The following COL5A1 variants were observed in gnomAD, a reference collection of about 807,000 sequenced individuals.
The protein encoded by COL5A1 is collagen alpha-1(V) chain.
A neutral mutation model predicts 263.7 loss-of-function variants in COL5A1; 16 were observed. The observed-to-expected ratio is 0.06, with a 90% CI of 0.04 to 0.09. The LOEUF (loss-of-function observed/expected upper bound fraction) is 0.09, where lower values mean the gene tolerates loss of function less well. Among genes scored for constraint, COL5A1 ranks in the 10% least tolerant of loss-of-function variants. The pLI is 1.00. For missense variants in COL5A1, 2,036 were observed against 2,540.5 expected (o/e 0.80, Z 4.27); for synonymous variants, 1,012 against 1,004.5 (o/e 1.01, Z -0.14).
rs548085418 is a variant in COL5A1 at position 134,823,294 on chromosome 9, G to A, written c.4645-122G>A. On this transcript the variant is annotated intron_variant, in intron 60 of 65. Coordinates refer to ENST00000371817, the MANE Select transcript of COL5A1 (RefSeq NM_000093.5). ...AGGGGTCTCTGCCATTCTCTTCTCT[G>A]CTGTGGCTGATAGGGCCACCTCCCC... The A allele has an allele frequency of 1.2e-5, 14 of 1,122,396 alleles. No homozygotes were observed. The African/African-American group carries it at 1.5e-4, about 12-fold the overall frequency. The allele number at this position is 1,122,396 out of a possible 1,614,324, so 69.5% of individuals were successfully genotyped here. A position where few individuals can be genotyped will look rare whatever the true frequency, so the allele number is the denominator to read the frequency against.
At chr9:134,740,089 C>T (rs1004215207) in intron 11 of COL5A1, among the ~76,000 whole-genome samples, 2 of 152,152 alleles carry the variant, frequency 1.3e-5, no homozygotes, top group African/African-American at 2.4e-5. Flanking sequence ...TGGCAAGGGC[C>T]GTGGCGGGAA....
intron 1 of COL5A1, among the ~76,000 whole-genome samples, chr9:134,675,633 G>T (rs1489906191): frequency 6.6e-6 from 1 of 152,218 alleles, no homozygotes; most frequent in African/African-American, 2.4e-5. Context: ...AGCACGGTTT[G>T]TTGGGGACCC....
In COL5A1 at chr9:134,728,687, C is replaced by T. The variant is rs147729713; in HGVS notation, c.804C>T (p.Gly268=). The T allele has an allele frequency of 1.9e-4, 303 of 1,613,994 alleles. 1 individual carries two copies. The highest frequency in any genetic ancestry group is 2.4e-4 in the Non-Finnish European group (286 of 1,180,030). The change falls in exon 6 of 66, where the codon GGC becomes GGT. Residue 268 remains glycine (G), a synonymous_variant. Coordinates refer to ENST00000371817, the MANE Select transcript of COL5A1 (RefSeq NM_000093.5). ...NPDEYYTEGD[G]EGETYYYEYP... ...GCTTTCAGTACACGGAAGGAGACGG[C>T]GAGGGTGAGACCTATTACTACGAAT...
At chr9:134,795,224 G>A (rs1162168154) in intron 33 of COL5A1, 38 bp from the exon 34 acceptor site, 1 of 1,613,482 alleles carries the variant, frequency 6.2e-7, no homozygotes, top group Non-Finnish European at 8.5e-7. Context: ...CTGTGTGTCG[G>A]GACTTGAGCT....
At chr9:134,826,816 GTGTGTGGC>G (rs979835359) in intron 63 of COL5A1, among the ~76,000 whole-genome samples, 2 of 151,170 alleles carry the variant, frequency 1.3e-5, no homozygotes, top group African/African-American at 4.9e-5. Flanking sequence ...AGGTGTGTGG[GTGTGTGGC>G]TGGTGTGTGG....
chr9:134,840,157 C>T (rs1299922668), intron 65 of COL5A1, among the ~76,000 whole-genome samples: 2 of 152,260 alleles, frequency 1.3e-5, no homozygotes, highest in East Asian at 3.8e-4. Flanking sequence ...GAGTCAGCCT[C>T]TCTGGGCAGG....
Position 134,824,832 on chromosome 9 carries a change from T to C in COL5A1, c.4931T>C (p.Leu1644Pro). The stretch of plus-strand genomic sequence containing the variant: ...GCCCGCACCTGCAAGGACCTGCAGC[T>C]CTGCCACCCCGACTTCCCAGATGGT... ...NPARTCKDLQ[L>P]CHPDFPDGEY... The change falls in exon 62 of 66, where the codon CTC becomes CCC. Residue 1644 changes from leucine (L) to proline (P), a missense_variant. Transcript: ENST00000371817. 6.2e-7 allele frequency: 1 copy of C among 1,613,422 alleles called. No individual in the cohort carries two copies. Among genetic ancestry groups the C allele is most frequent in the Non-Finnish European group, 8.5e-7 (1 of 1,179,922 alleles).
chr9:134,834,852 T>C, intron 64 of COL5A1, 119 bp from the exon 65 acceptor site: 1 of 755,904 alleles, frequency 1.3e-6, no homozygotes. Flanking sequence ...ACAGTGCGTT[T>C]CCAGGTAGTT....
chr9:134,792,818 CAT>C (rs1334846168), intron 32 of COL5A1, among the ~76,000 whole-genome samples: 3 of 120,884 alleles, frequency 2.5e-5, no homozygotes, highest in Admixed American at 1.7e-4. Context: ...CATGTGTGTG[CAT>C]GTGTGTGTAT....
At chr9:134,655,402 T>G (rs1442855302) in intron 1 of COL5A1, among the ~76,000 whole-genome samples, 1 of 151,946 alleles carries the variant, frequency 6.6e-6, no homozygotes, top group Non-Finnish European at 1.5e-5. Context: ...TCCCATACCT[T>G]TAGCCTCTCA....
At chr9:134,760,448 TAC>T (rs1184044597) in intron 18 of COL5A1, among the ~76,000 whole-genome samples, 1 of 54,652 alleles carries the variant, frequency 1.8e-5, no homozygotes, top group Admixed American at 2.9e-4. Flanking sequence ...CACACATGCA[TAC>T]ACACCCACAC....
intron 64 of COL5A1, among the ~76,000 whole-genome samples, chr9:134,831,408 C>T (rs1316724741): frequency 1.3e-5 from 2 of 152,194 alleles, no homozygotes; most frequent in Non-Finnish European, 2.9e-5. Flanking sequence ...CTCCTTTCCT[C>T]TCCTGCTTTT....
In COL5A1 at chr9:134,842,467, C is replaced by T. The variant is rs926869479; in HGVS notation, c.*164C>T. 11 of 833,848 alleles carry T rather than the reference C, an allele frequency of 1.3e-5. No homozygotes were observed. The highest frequency in any genetic ancestry group is 6.5e-5 in the South Asian group (4 of 61,712). 51.7% of individuals were successfully genotyped at this position (833,848 alleles called of 1,614,324 possible). A position where few individuals can be genotyped will look rare whatever the true frequency, so the allele number is the denominator to read the frequency against. On this transcript the variant is annotated 3_prime_UTR_variant, in exon 66 of 66. Coordinates refer to ENST00000371817, the MANE Select transcript of COL5A1 (RefSeq NM_000093.5). The surrounding 1 kb of genome is among the most constrained non-coding windows in gnomAD (Gnocchi z 5.8). ...CACCACGGGGTGTGGGACCCCAGCCCGGAGAGAACAGAGGGAAGGAGCCGC... is the reference window on the plus strand; with the variant it reads ...CACCACGGGGTGTGGGACCCCAGCCTGGAGAGAACAGAGGGAAGGAGCCGC...
chr9:134,685,421 TCCATCCATC>T (rs1833014000), intron 1 of COL5A1, among the ~76,000 whole-genome samples: 4 of 4,360 alleles, frequency 9.2e-4, no homozygotes, highest in East Asian at 0.01. Flanking sequence ...AATTCATCCA[TCCATCCATC>T]CATCCATCCA....
chr9:134,740,873 C>T (rs1835275888), intron 11 of COL5A1, among the ~76,000 whole-genome samples: 1 of 152,200 alleles, frequency 6.6e-6, no homozygotes, highest in Non-Finnish European at 1.5e-5. Flanking sequence ...CATCAGGGTC[C>T]AGGAGCATGA....
At position 134,767,340 on chromosome 9, in the gene COL5A1, C is replaced by T. The variant is rs1564446311; in HGVS notation, c.2218C>T (p.Pro740Ser). The change falls in exon 24 of 66, where the codon CCT becomes TCT. Residue 740 changes from proline (P) to serine (S), a missense_variant. Transcript: ENST00000371817. Reference protein sequence around the residue: ...GLPGPQGAIGPPGEKGPLGKP... With the variant: ...GLPGPQGAIGSPGEKGPLGKP... Reference sequence around the variant, plus strand: ...TCCAGGCCCCCAGGGTGCAATTGGTCCTCCAGGAGAAAAGGTAGGTGGGCC... The same window carrying T: ...TCCAGGCCCCCAGGGTGCAATTGGTTCTCCAGGAGAAAAGGTAGGTGGGCC... 4.3e-6 allele frequency: 7 copies of T among 1,614,056 alleles called. No individual in the cohort carries two copies. Among genetic ancestry groups the T allele is most frequent in the Non-Finnish European group, 5.1e-6 (6 of 1,180,012 alleles).
At chr9:134,705,615 G>C (rs1368321298) in intron 4 of COL5A1, among the ~76,000 whole-genome samples, 2 of 152,266 alleles carry the variant, frequency 1.3e-5, no homozygotes, top group African/African-American at 4.8e-5. Context: ...GTCGGATTTT[G>C]GGTTGGTGAG....
At chr9:134,829,187 C>T (rs1186016926) in intron 63 of COL5A1, among the ~76,000 whole-genome samples, 3 of 152,230 alleles carry the variant, frequency 2.0e-5, no homozygotes, top group African/African-American at 4.8e-5. Context: ...GAGCACCAGG[C>T]GCTGGCCTGG....
chr9:134,800,186 C>T (rs1838055466), intron 37 of COL5A1, among the ~76,000 whole-genome samples: 1 of 152,204 alleles, frequency 6.6e-6, no homozygotes, highest in African/African-American at 2.4e-5. Flanking sequence ...ATATTCTGTC[C>T]TCAACAGCCA....
Sources: gnomAD v4.1 joint callset for allele counts (sites outside exome capture counted in the v4.1 genomes callset) on GRCh38, gnomAD v4.1.1 for gene constraint, Gnocchi (gnomAD v3.1) non-coding constraint, MANE v1.5 for transcripts, NCBI Gene and HGNC (gene_info 2026-07-23, HGNC 2026-07-21) for gene names.